Variants in MAF observed in about 807,000 individuals in gnomAD.
MAF encodes MAF bZIP transcription factor, also known as transcription factor Maf.
A neutral mutation model predicts 22.0 loss-of-function variants in MAF; 10 were observed. The ratio of observed to expected loss-of-function variants is 0.45; its 90% CI spans 0.28 to 0.77. The LOEUF (loss-of-function observed/expected upper bound fraction) is 0.77, where lower values mean the gene tolerates loss of function less well. Among genes scored for constraint, MAF ranks in the 30% least tolerant of loss-of-function variants. MAF has a pLI of 0.12. For missense variants in MAF, 544 were observed against 548.4 expected, an observed-to-expected ratio of 0.99 and a Z score of 0.08; for synonymous variants, 337 against 255.8, an observed-to-expected ratio of 1.32 and a Z score of -3.03.
At chr16:79,317,922 TCACTCACTC>T in the MAF span, among the ~76,000 whole-genome samples, 2 of 31,206 alleles carry the variant, frequency 6.4e-5, no homozygotes, top group Admixed American at 2.6e-4. Flanking sequence ...ATTCACTCAC[TCACTCACTC>T]ACTCACTCAC....
chr16:79,549,736 G>A, the MAF span, among the ~76,000 whole-genome samples: 1 of 152,212 alleles, frequency 6.6e-6, no homozygotes, highest in Non-Finnish European at 1.5e-5. Flanking sequence ...AAGGGAAGCT[G>A]AGTCTCCTCC....
the MAF span, among the ~76,000 whole-genome samples, chr16:79,373,475 T>A: frequency 7.1e-6 from 1 of 141,534 alleles, no homozygotes; most frequent in Non-Finnish European, 1.5e-5. Context: ...CTCCATCTCC[T>A]GGGTTCAAGC....
the MAF span, among the ~76,000 whole-genome samples, chr16:79,465,508 T>C: frequency 6.6e-6 from 1 of 152,116 alleles, no homozygotes; most frequent in Non-Finnish European, 1.5e-5. Flanking sequence ...TGGGAGGATC[T>C]CTTGAGCCCC....
At chr16:79,457,395 T>G in the MAF span, among the ~76,000 whole-genome samples, 2 of 151,386 alleles carry the variant, frequency 1.3e-5, no homozygotes, top group African/African-American at 4.9e-5. Context: ...TTTGGTTTTT[T>G]TTTTTTTTTT....
At chr16:79,451,695 T>C in the MAF span, among the ~76,000 whole-genome samples, 1 of 152,124 alleles carries the variant, frequency 6.6e-6, no homozygotes, top group African/African-American at 2.4e-5. Context: ...TAAAATATGC[T>C]CATTGAAAAA....
the MAF span, among the ~76,000 whole-genome samples, chr16:79,430,663 G>C: frequency 6.6e-6 from 1 of 152,212 alleles, no homozygotes; most frequent in Non-Finnish European, 1.5e-5. Context: ...CCTGGCAGGG[G>C]AGAGGGTGCC....
At chr16:79,211,032 GGA>G in the MAF span, among the ~76,000 whole-genome samples, 1 of 30,442 alleles carries the variant, frequency 3.3e-5, no homozygotes, top group African/African-American at 1.2e-4. Flanking sequence ...TGTATGGTGA[GGA>G]GTGTGTGTGT....
chr16:79,254,114 G>T, the MAF span, among the ~76,000 whole-genome samples: 1 of 151,846 alleles, frequency 6.6e-6, no homozygotes, highest in Non-Finnish European at 1.5e-5. Flanking sequence ...CATTGTAAAA[G>T]TAATTCATAT....
the MAF span, among the ~76,000 whole-genome samples, chr16:79,580,777 C>T: frequency 6.6e-6 from 1 of 151,138 alleles, no homozygotes; most frequent in Non-Finnish European, 1.5e-5. Context: ...TTTCATTCTA[C>T]TAGGTAATGG....
the MAF span, among the ~76,000 whole-genome samples, chr16:79,454,447 C>A: frequency 1.3e-5 from 2 of 152,130 alleles, no homozygotes; most frequent in African/African-American, 4.8e-5. Context: ...TTGTCACAGA[C>A]ACCATTCCAT....
chr16:79,563,427 C>A, the MAF span, among the ~76,000 whole-genome samples: 7 of 150,986 alleles, frequency 4.6e-5, no homozygotes, highest in African/African-American at 1.7e-4. Context: ...TTGTTGTGGT[C>A]AAACTCCATT....
chr16:79,466,964 G>C, the MAF span, among the ~76,000 whole-genome samples: 1 of 152,182 alleles, frequency 6.6e-6, no homozygotes, highest in Non-Finnish European at 1.5e-5. Context: ...TGGAGCTTGA[G>C]GCCTGCCTAA....
chr16:79,469,061 A>G, the MAF span, among the ~76,000 whole-genome samples: 3 of 152,094 alleles, frequency 2.0e-5, no homozygotes, highest in African/African-American at 7.2e-5. Context: ...CCCACACCCA[A>G]TCATGTGTCC....
the MAF span, among the ~76,000 whole-genome samples, chr16:79,541,092 A>G: frequency 2.6e-5 from 4 of 152,248 alleles, no homozygotes; most frequent in African/African-American, 9.6e-5. Flanking sequence ...TATTCCTGTT[A>G]CTACTAGAGC....
chr16:79,319,006 CTATT>C, the MAF span, among the ~76,000 whole-genome samples: 1 of 152,172 alleles, frequency 6.6e-6, no homozygotes, highest in Non-Finnish European at 1.5e-5. Flanking sequence ...TCCTTTGCAA[CTATT>C]TATTTCAGCA....
the MAF span, among the ~76,000 whole-genome samples, chr16:79,311,259 T>C: frequency 6.6e-6 from 1 of 152,068 alleles, no homozygotes; most frequent in Non-Finnish European, 1.5e-5. Flanking sequence ...TTTCCTTTTT[T>C]CTCTTTTCTT....
In MAF at chr16:79,599,669, C is replaced by G. The variant is rs1913878752; in HGVS notation, c.234G>C (p.Pro78=). The change falls in exon 1 of 2, where the codon CCG becomes CCC. Residue 78 remains proline, a synonymous_variant. Transcript: ENST00000326043. The part of the protein sequence containing the change: ...PPSPSFSAPS[P]GSGSEQKAHL... ...GCGCCTTCTGCTCGCTGCCCGAGCCCGGGCTGGGCGCCGAGAAGCTGGGGG... is the reference window on the plus strand; with the variant it reads ...GCGCCTTCTGCTCGCTGCCCGAGCCGGGGCTGGGCGCCGAGAAGCTGGGGG... 1.2e-6 allele frequency: 2 copies of G among 1,612,178 alleles called. No homozygotes were observed. The highest frequency in any genetic ancestry group is 1.7e-6 in the Non-Finnish European group (2 of 1,179,640).
At chr16:79,400,357 C>T in the MAF span, among the ~76,000 whole-genome samples, 1 of 152,192 alleles carries the variant, frequency 6.6e-6, no homozygotes, top group Non-Finnish European at 1.5e-5. Flanking sequence ...TGGACCATTT[C>T]TGAACATCAC....
chr16:79,484,400 G>A, the MAF span, among the ~76,000 whole-genome samples: 4 of 152,226 alleles, frequency 2.6e-5, no homozygotes, highest in Non-Finnish European at 5.9e-5. Flanking sequence ...AAGGAGCAGA[G>A]CCAGTGTATC....
Sources: allele counts gnomAD v4.1 joint callset (sites outside exome capture counted in the v4.1 genomes callset), GRCh38; gene constraint gnomAD v4.1.1; transcripts MANE v1.5; gene names NCBI Gene and HGNC (gene_info 2026-07-23, HGNC 2026-07-21).